AHCYL2: variants seen among roughly 807,000 people sequenced by gnomAD.
AHCYL2 encodes adenosylhomocysteinase like 2.
Under a neutral mutation model 81.4 loss-of-function variants are expected in AHCYL2, and 28 were observed. The observed-to-expected ratio is 0.34, with a 90% confidence interval of 0.25 to 0.47. The LOEUF is 0.47. AHCYL2 is among the 20% of genes least tolerant of loss of function. The pLI is 1.00. For synonymous variants in AHCYL2, 272 were observed against 290.2 expected (o/e 0.94, Z 0.64); for missense variants, 551 against 785.1 (o/e 0.70, Z 3.56).
At chr7:129,421,007 T>G (rs549757833) in intron 12 of AHCYL2, among the ~76,000 whole-genome samples, 3 of 152,150 alleles carry the variant, frequency 2.0e-5, no homozygotes, top group Non-Finnish European at 4.4e-5. Context: ...TCCTAGCCCT[T>G]TGGGAAGCTG....
intron 1 of AHCYL2, among the ~76,000 whole-genome samples, chr7:129,337,350 A>G (rs1563202021): frequency 6.6e-6 from 1 of 152,148 alleles, no homozygotes; most frequent in Non-Finnish European, 1.5e-5. Flanking sequence ...TTGCTGTCTT[A>G]ACTATAGAGG....
intron 1 of AHCYL2, among the ~76,000 whole-genome samples, chr7:129,302,266 C>T (rs573922265): frequency 4.6e-5 from 7 of 152,106 alleles, no homozygotes; most frequent in Admixed American, 3.3e-4. Context: ...TTTTTGGTGG[C>T]GTCTTTAGGT....
chr7:129,322,609 T>C (rs976694878), intron 1 of AHCYL2, among the ~76,000 whole-genome samples: 1 of 152,212 alleles, frequency 6.6e-6, no homozygotes, highest in Non-Finnish European at 1.5e-5. Flanking sequence ...TTCTTTTTTT[T>C]GAGACAGGGT....
chr7:129,278,812 A>G (rs145951003), intron 1 of AHCYL2, among the ~76,000 whole-genome samples: 1 of 125,618 alleles, frequency 8.0e-6, no homozygotes, highest in Non-Finnish European at 1.6e-5. Flanking sequence ...TTGCAGTATC[A>G]TTTGTTGGTA....
chr7:129,398,304 C>CA (rs1795842022), intron 5 of AHCYL2, among the ~76,000 whole-genome samples: 1 of 151,594 alleles, frequency 6.6e-6, no homozygotes, highest in East Asian at 1.9e-4. Context: ...AGCCACCATG[C>CA]CCAGCCCATT....
chr7:129,396,802 C>T (rs779888134), intron 4 of AHCYL2, among the ~76,000 whole-genome samples: 19 of 152,194 alleles, frequency 1.2e-4, no homozygotes, highest in Non-Finnish European at 2.5e-4. Context: ...TCACTACAAC[C>T]TCCATCTCCC....
At chr7:129,334,202 G>A (rs1798516027) in intron 1 of AHCYL2, among the ~76,000 whole-genome samples, 1 of 152,146 alleles carries the variant, frequency 6.6e-6, no homozygotes, top group Non-Finnish European at 1.5e-5. Context: ...TTAGTATATA[G>A]AAAACAAATG....
intron 1 of AHCYL2, among the ~76,000 whole-genome samples, chr7:129,229,159 C>T (rs1794331049): frequency 6.6e-6 from 1 of 151,814 alleles, no homozygotes; most frequent in Non-Finnish European, 1.5e-5. Context: ...CCTCCGCCTC[C>T]CGGGTTCAAG....
Position 129,426,961 on chromosome 7 carries a change from C to T in AHCYL2, c.1830-78C>T. The T allele has an allele frequency of 6.8e-7, 1 of 1,467,412 alleles. No individual in the cohort carries two copies. The highest frequency in any genetic ancestry group is 9.5e-7 in the Non-Finnish European group (1 of 1,050,958). The allele number at this position is 1,467,412 out of a possible 1,614,324, so 90.9% of individuals were successfully genotyped here. ...GAAAAGTCTCTGCCTCCCTGTTACA[C>T]CTTTAGGCAGGCTCTTCATGTCCCA... On this transcript the variant is annotated intron_variant, in intron 16 of 16. Coordinates refer to ENST00000325006, the MANE Select transcript of AHCYL2 (RefSeq NM_015328.4). This position sits in a 1 kb window ranked among gnomAD's most constrained non-coding sequence, Gnocchi z 4.3.
chr7:129,314,159 C>T (rs1457582508), intron 1 of AHCYL2, among the ~76,000 whole-genome samples: 1 of 152,122 alleles, frequency 6.6e-6, no homozygotes, highest in Non-Finnish European at 1.5e-5. Flanking sequence ...GAAAATTCAC[C>T]TTCAAGTCAT....
intron 1 of AHCYL2, among the ~76,000 whole-genome samples, chr7:129,342,936 T>C (rs1793236839): frequency 6.6e-6 from 1 of 152,170 alleles, no homozygotes; most frequent in South Asian, 2.1e-4. Flanking sequence ...TTGAAACAAT[T>C]TCATTTACAT....
chr7:129,316,954 G>A (rs1188069261), intron 1 of AHCYL2, among the ~76,000 whole-genome samples: 1 of 152,206 alleles, frequency 6.6e-6, no homozygotes, highest in Non-Finnish European at 1.5e-5. Context: ...CTGATAACAC[G>A]ATAACATGTT....
At chr7:129,267,777 T>C (rs1795868122) in intron 1 of AHCYL2, among the ~76,000 whole-genome samples, 1 of 151,986 alleles carries the variant, frequency 6.6e-6, no homozygotes, top group South Asian at 2.1e-4. Flanking sequence ...GTGGGAGAGA[T>C]GGTAAGATGA....
intron 1 of AHCYL2, among the ~76,000 whole-genome samples, chr7:129,366,958 G>A (rs1468477820): frequency 6.6e-6 from 1 of 152,164 alleles, no homozygotes; most frequent in Non-Finnish European, 1.5e-5. Flanking sequence ...CACTGGTTCA[G>A]TTTGGAAAGG....
intron 2 of AHCYL2, among the ~76,000 whole-genome samples, chr7:129,382,179 G>A (rs1202808702): frequency 6.6e-6 from 1 of 152,204 alleles, no homozygotes; most frequent in African/African-American, 2.4e-5. Flanking sequence ...TAGAAAAAGA[G>A]TTTCATGTGC....
Position 129,368,317 on chromosome 7 carries a change from A to G in AHCYL2, c.364-11321A>G. 6.9e-7 allele frequency: 1 copy of G among 1,444,526 alleles called. No homozygotes were observed. The highest frequency in any genetic ancestry group is 9.1e-7 in the Non-Finnish European group (1 of 1,098,694). The allele number at this position is 1,444,526 out of a possible 1,614,324, so 89.5% of individuals were successfully genotyped here. A position where few individuals can be genotyped will look rare whatever the true frequency, so the allele number is the denominator to read the frequency against. On this transcript the variant is annotated intron_variant, in intron 1 of 16. Coordinates refer to ENST00000325006, the MANE Select transcript of AHCYL2 (RefSeq NM_015328.4). This position sits in a 1 kb window ranked among gnomAD's most constrained non-coding sequence, Gnocchi z 4.4. Reference sequence around the variant, plus strand: ...CCAGTAAGGGGTTGTCAGGCAGTTGACTAATGCTCTTGATTTGAATCGGAG... The same window carrying G: ...CCAGTAAGGGGTTGTCAGGCAGTTGGCTAATGCTCTTGATTTGAATCGGAG...
chr7:129,267,230 G>GGTGTGTGTGTATGTGTGT (rs1795840573), intron 1 of AHCYL2, among the ~76,000 whole-genome samples: 1 of 59,160 alleles, frequency 1.7e-5, no homozygotes. Context: ...TCACTCAAGG[G>GGTGTGTGTGTATGTGTGT]GTGTGTGTGT....
intron 1 of AHCYL2, among the ~76,000 whole-genome samples, chr7:129,361,439 G>A (rs1405740638): frequency 6.6e-6 from 1 of 151,956 alleles, no homozygotes; most frequent in Non-Finnish European, 1.5e-5. Context: ...CTCTCTCCTT[G>A]TACTGTAAGC....
At chr7:129,335,946 ACG>A (rs1563201449) in intron 1 of AHCYL2, among the ~76,000 whole-genome samples, 1 of 152,176 alleles carries the variant, frequency 6.6e-6, no homozygotes, top group African/African-American at 2.4e-5. Flanking sequence ...TTTGGGGGCC[ACG>A]TGTTTAAAAC....
Sources: allele counts gnomAD v4.1 joint callset (sites outside exome capture counted in the v4.1 genomes callset), GRCh38; gene constraint gnomAD v4.1.1; non-coding constraint Gnocchi (gnomAD v3.1); transcripts MANE v1.5; gene names NCBI Gene and HGNC (gene_info 2026-07-23, HGNC 2026-07-21).